UBASH3B: variants seen among roughly 807,000 people sequenced by gnomAD.
UBASH3B encodes the protein ubiquitin-associated and SH3 domain-containing protein B.
Under a neutral mutation model 83.4 loss-of-function variants are expected in UBASH3B, and 37 were observed. The observed-to-expected ratio is 0.44, with a 90% CI of 0.34 to 0.58. The LOEUF is 0.58. UBASH3B is among the 20% of genes least tolerant of loss of function. The pLI is 0.01. For missense variants in UBASH3B, 657 were observed against 827.2 expected (o/e 0.79, Z 2.52); for synonymous variants, 304 against 318.3 (o/e 0.96, Z 0.48).
intron 1 of UBASH3B, among the ~76,000 whole-genome samples, chr11:122,702,284 A>G (rs1012325808): frequency 1.3e-5 from 2 of 152,204 alleles, no homozygotes; most frequent in African/African-American, 4.8e-5. Flanking sequence ...CCAGAATACT[A>G]ATGACATCAG....
At chr11:122,766,056 G>T (rs1860530081) in intron 1 of UBASH3B, among the ~76,000 whole-genome samples, 1 of 152,154 alleles carries the variant, frequency 6.6e-6, no homozygotes, top group Non-Finnish European at 1.5e-5. Context: ...TGTCCTAAGG[G>T]AAGAAGCGAA....
chr11:122,676,201 G>A (rs1002299406), intron 1 of UBASH3B, among the ~76,000 whole-genome samples: 7 of 151,964 alleles, frequency 4.6e-5, no homozygotes, highest in African/African-American at 9.7e-5. Flanking sequence ...CCAGGAGTTC[G>A]AGACCAGCCT....
chr11:122,766,438 C>T (rs921658886), intron 1 of UBASH3B, among the ~76,000 whole-genome samples: 2 of 151,872 alleles, frequency 1.3e-5, no homozygotes, highest in Non-Finnish European at 2.9e-5. Flanking sequence ...CCAGCTACTC[C>T]AGAGGCTGAG....
At chr11:122,717,068 C>T (rs1860537658) in intron 1 of UBASH3B, among the ~76,000 whole-genome samples, 1 of 152,218 alleles carries the variant, frequency 6.6e-6, no homozygotes, top group South Asian at 2.1e-4. Flanking sequence ...AGGATCAGGA[C>T]TATGCTTAGG....
chr11:122,768,011 C>T (rs1860579141), intron 1 of UBASH3B, among the ~76,000 whole-genome samples: 1 of 151,072 alleles, frequency 6.6e-6, no homozygotes, highest in Admixed American at 6.6e-5. Context: ...ACTTGCATGA[C>T]TGTCGTGTGG....
At chr11:122,791,804 G>T (rs1861059009) in intron 6 of UBASH3B, among the ~76,000 whole-genome samples, 1 of 152,220 alleles carries the variant, frequency 6.6e-6, no homozygotes, top group South Asian at 2.1e-4. Context: ...CCTGCCAAGT[G>T]CTTCTCAGTT....
intron 1 of UBASH3B, among the ~76,000 whole-genome samples, chr11:122,742,162 G>C (rs1016807129): frequency 1.3e-5 from 2 of 152,188 alleles, no homozygotes; most frequent in Admixed American, 1.3e-4. Flanking sequence ...AGACTGCCTT[G>C]GTCTTAACCT....
chr11:122,788,953 T>C (rs1470394678), intron 5 of UBASH3B, 147 bp from the exon 6 acceptor site: 1 of 675,476 alleles, frequency 1.5e-6, no homozygotes, highest in Non-Finnish European at 2.6e-6. Flanking sequence ...AATTCACATC[T>C]ACTCAGGGCC....
intron 1 of UBASH3B, among the ~76,000 whole-genome samples, chr11:122,683,050 C>T (rs1413302452): frequency 3.3e-5 from 5 of 151,368 alleles, no homozygotes; most frequent in Admixed American, 1.3e-4. Flanking sequence ...GTTGGTCTTG[C>T]GGCCAGCCTG....
intron 11 of UBASH3B, among the ~76,000 whole-genome samples, chr11:122,804,928 G>A (rs894826807): frequency 2.0e-5 from 3 of 152,234 alleles, no homozygotes; most frequent in South Asian, 2.1e-4. Flanking sequence ...TTAAGCGGGG[G>A]TGGAGGCAGG....
chr11:122,761,525 A>G (rs1431908333), intron 1 of UBASH3B, among the ~76,000 whole-genome samples: 1 of 152,172 alleles, frequency 6.6e-6, no homozygotes, highest in Non-Finnish European at 1.5e-5. Context: ...GAAGAGTTAC[A>G]GAAGAGTGAC....
At chr11:122,803,740 C>A (rs918488758) in intron 11 of UBASH3B, among the ~76,000 whole-genome samples, 56 of 152,060 alleles carry the variant, frequency 3.7e-4, no homozygotes, top group African/African-American at 1.4e-3. Context: ...AAGCAGAGGC[C>A]TGTGCTTACA....
At chr11:122,805,122 A>C (rs943950251) in intron 11 of UBASH3B, among the ~76,000 whole-genome samples, 1 of 152,266 alleles carries the variant, frequency 6.6e-6, no homozygotes, top group Non-Finnish European at 1.5e-5. Flanking sequence ...TTATAGTTAC[A>C]TGTGACTGGG....
intron 1 of UBASH3B, among the ~76,000 whole-genome samples, chr11:122,718,529 T>A (rs964124661): frequency 6.6e-6 from 1 of 152,204 alleles, no homozygotes. Flanking sequence ...TCAAATGGGA[T>A]ATTTAGGGGG....
intron 1 of UBASH3B, among the ~76,000 whole-genome samples, chr11:122,712,369 C>T (rs550176696): frequency 2.0e-5 from 3 of 152,220 alleles, no homozygotes; most frequent in Admixed American, 6.5e-5. Context: ...GCTGACTTTC[C>T]TAAGGAGCTG....
At chr11:122,691,711 G>T (rs1863899732) in intron 1 of UBASH3B, among the ~76,000 whole-genome samples, 1 of 152,238 alleles carries the variant, frequency 6.6e-6, no homozygotes, top group African/African-American at 2.4e-5. Flanking sequence ...ATGAAAAAGA[G>T]ACATTTCTGG....
In UBASH3B at chr11:122,718,186, A is replaced by C. The variant is rs373023185; in HGVS notation, c.162-58033A>C. Among the ~76,000 whole-genome samples, 41 of 152,136 alleles carry C rather than the reference A, an allele frequency of 2.7e-4. No homozygotes were observed. In the East Asian group the frequency reaches 3.9e-3, roughly 14 times the overall value. On this transcript the variant is annotated intron_variant, in intron 1 of 13. Transcript: ENST00000284273. ...GTGATCCTCCCGCCTTGGCCTCCCA[A>C]AGCGCTGGGATTATAGGTGTGAGCC...
intron 1 of UBASH3B, among the ~76,000 whole-genome samples, chr11:122,738,525 AAC>A (rs1379644805): frequency 6.6e-6 from 1 of 152,204 alleles, no homozygotes; most frequent in Non-Finnish European, 1.5e-5. Flanking sequence ...ACAGCATGAC[AAC>A]AGATGTGGTC....
At chr11:122,710,622 C>T (rs968141314) in intron 1 of UBASH3B, among the ~76,000 whole-genome samples, 21 of 152,012 alleles carry the variant, frequency 1.4e-4, no homozygotes, top group Admixed American at 7.9e-4. Flanking sequence ...TAAATCATAG[C>T]TAATGCCGAT....
Sources: allele counts gnomAD v4.1 joint callset (sites outside exome capture counted in the v4.1 genomes callset), GRCh38; gene constraint gnomAD v4.1.1; transcripts MANE v1.5; gene names NCBI Gene and HGNC (gene_info 2026-07-23, HGNC 2026-07-21).